Variants in SCAI observed in about 807,000 individuals in gnomAD.
The protein encoded by SCAI is suppressor of cancer cell invasion, also known as protein SCAI.
In SCAI, 24 loss-of-function variants were observed where a neutral mutation model predicts 92.2. That is an observed-to-expected ratio of 0.26 (90% CI 0.19 to 0.37). The LOEUF is 0.37. SCAI is among the 10% of genes least tolerant of loss of function. The pLI is 1.00. For synonymous variants in SCAI, 261 were observed against 258.6 expected, an observed-to-expected ratio of 1.01 and a Z score of -0.09; for missense variants, 450 against 736.2, an observed-to-expected ratio of 0.61 and a Z score of 4.50.
chr9:124,970,320 G>A (rs1831633278), intron 17 of SCAI, among the ~76,000 whole-genome samples: 1 of 151,952 alleles, frequency 6.6e-6, no homozygotes, highest in South Asian at 2.1e-4. Flanking sequence ...AGGAATAACT[G>A]GAAAAAAGGA....
intron 4 of SCAI, among the ~76,000 whole-genome samples, chr9:125,028,983 A>T (rs1229640683): frequency 6.6e-6 from 1 of 152,040 alleles, no homozygotes; most frequent in Non-Finnish European, 1.5e-5. Context: ...TTTTTAGTAG[A>T]GACAGGGTTT....
intron 2 of SCAI, among the ~76,000 whole-genome samples, chr9:125,136,405 T>TGATATTCA (rs1278438438): frequency 6.6e-6 from 1 of 151,872 alleles, no homozygotes; most frequent in African/African-American, 2.4e-5. Context: ...TTATATCATT[T>TGATATTCA]GATATTCAGA....
intron 3 of SCAI, among the ~76,000 whole-genome samples, chr9:125,044,498 G>C (rs765014630): frequency 2.9e-4 from 44 of 152,032 alleles, no homozygotes; most frequent in Non-Finnish European, 4.4e-4. Flanking sequence ...CACTTGCCTG[G>C]ACAACCTGCT....
chr9:124,971,219 C>T, intron 17 of SCAI, 151 bp downstream of exon 17: 5 of 456,084 alleles, frequency 1.1e-5, no homozygotes, highest in South Asian at 5.4e-5. Context: ...CTTAGCAGAC[C>T]AGTGTGACGG....
intron 3 of SCAI, among the ~76,000 whole-genome samples, chr9:125,031,161 G>A (rs368691293): frequency 6.7e-4 from 102 of 152,060 alleles, no homozygotes; most frequent in African/African-American, 2.2e-3. Flanking sequence ...GAAGACAGTC[G>A]TGTCTCAAAG....
intron 2 of SCAI, among the ~76,000 whole-genome samples, chr9:125,094,976 T>C (rs1401541825): frequency 6.6e-6 from 1 of 152,104 alleles, no homozygotes; most frequent in African/African-American, 2.4e-5. Flanking sequence ...AATAGATACA[T>C]AAAATGTATT....
rs538413474 is a variant in SCAI at position 125,029,890 on chromosome 9, C to G, written c.231-151G>C. On this transcript the variant is annotated intron_variant, in intron 3 of 17. Transcript: ENST00000336505. ...TACACTTTTTGGAGCAGAAATAATT[C>G]TATAACTAGGGTCCAGGACATGCTC... is the stretch of plus-strand genomic sequence containing the variant. 21 of 493,400 alleles carry G rather than the reference C, an allele frequency of 4.3e-5. No homozygotes were observed. The South Asian group carries it at 6.5e-4, about 15-fold the overall frequency. The allele number at this position is 493,400 out of a possible 1,614,324, so 30.6% of individuals were successfully genotyped here.
In SCAI at chr9:124,944,787, T is replaced by C. The variant is rs1057316635; in HGVS notation, c.*8020A>G. Reference sequence around the variant, plus strand: ...TACTTATTCATACTGATTTCATGTTTGAGAAAATTTATGGTTCAAATTGTA... The same window carrying C: ...TACTTATTCATACTGATTTCATGTTCGAGAAAATTTATGGTTCAAATTGTA... On this transcript the variant is annotated 3_prime_UTR_variant, in exon 18 of 18. Coordinates refer to ENST00000336505, the MANE Select transcript of SCAI (RefSeq NM_001144877.3). 1 of 152,202 alleles carries C rather than the reference T, an allele frequency of 6.6e-6. No individual in the cohort carries two copies. The highest frequency in any genetic ancestry group is 2.4e-5 in the African/African-American group (1 of 41,442). The allele number at this position is 152,202 out of a possible 1,614,324, so 9.4% of individuals were successfully genotyped here.
intron 2 of SCAI, among the ~76,000 whole-genome samples, chr9:125,072,283 A>G (rs915694715): frequency 6.6e-5 from 10 of 152,178 alleles, no homozygotes; most frequent in Non-Finnish European, 1.2e-4. Flanking sequence ...TGGCCTCCCA[A>G]TGTGCTGGGA....
rs1831162903 is a variant in SCAI, at chr9:124,947,425, A to T, written c.*5382T>A. 1 of 152,186 alleles carries T rather than the reference A, an allele frequency of 6.6e-6. No individual in the cohort carries two copies. Among genetic ancestry groups the T allele is most frequent in the African/African-American group, 2.4e-5 (1 of 41,452 alleles). The allele number at this position is 152,186 out of a possible 1,614,324, so 9.4% of individuals were successfully genotyped here. On this transcript the variant is annotated 3_prime_UTR_variant, in exon 18 of 18. Transcript: ENST00000336505. ...TCTAGCTTTCTGTTAAGATCTTCAT[A>T]TCCTAATTTCAACTCCAAATTAGCC...
Position 125,094,093 on chromosome 9 carries a change from C to T in SCAI, c.99-38086G>A, listed in dbSNP as rs1834497988. 2.6e-5 allele frequency among the ~76,000 whole-genome samples: 4 copies of T among 152,250 alleles called. No homozygotes were observed. In the South Asian group the frequency reaches 6.2e-4, roughly 24 times the overall value. On this transcript the variant is annotated intron_variant, in intron 2 of 17. Coordinates refer to ENST00000336505, the MANE Select transcript of SCAI (RefSeq NM_001144877.3). ...CCAGTTGTTCGGGTACAGTTCATTCCAAACACAGCAGACAAGATGATCTTT... is the reference window on the plus strand; with the variant it reads ...CCAGTTGTTCGGGTACAGTTCATTCTAAACACAGCAGACAAGATGATCTTT...
chr9:125,066,478 C>T (rs1221833505), intron 2 of SCAI, among the ~76,000 whole-genome samples: 7 of 144,124 alleles, frequency 4.9e-5, no homozygotes, highest in African/African-American at 1.7e-4. Flanking sequence ...TTTTTTGAGA[C>T]GGAGTCTCGC....
chr9:125,014,979 A>G (rs1236444055), intron 9 of SCAI, among the ~76,000 whole-genome samples: 1 of 152,198 alleles, frequency 6.6e-6, no homozygotes, highest in Non-Finnish European at 1.5e-5. Context: ...GGCTAGCCAT[A>G]TGTAGAAAGC....
chr9:125,088,186 C>T (rs899698077), intron 2 of SCAI, among the ~76,000 whole-genome samples: 1 of 152,072 alleles, frequency 6.6e-6, no homozygotes, highest in Non-Finnish European at 1.5e-5. Flanking sequence ...GCCTCAAACT[C>T]CTGGGCTCAA....
chr9:125,014,252 A>G (rs1832701525), intron 9 of SCAI, among the ~76,000 whole-genome samples: 1 of 152,188 alleles, frequency 6.6e-6, no homozygotes, highest in South Asian at 2.1e-4. Context: ...CCCTGTTTGC[A>G]GACGACATGA....
At chr9:124,991,968 A>G (rs1198588737) in intron 14 of SCAI, among the ~76,000 whole-genome samples, 1 of 152,166 alleles carries the variant, frequency 6.6e-6, no homozygotes, top group Admixed American at 6.6e-5. Flanking sequence ...TCAGGCTGGA[A>G]TGCAGTGGCA....
intron 2 of SCAI, among the ~76,000 whole-genome samples, chr9:125,118,324 A>G (rs991932088): frequency 1.3e-5 from 2 of 152,102 alleles, no homozygotes; most frequent in African/African-American, 4.8e-5. Context: ...GACAAACCTC[A>G]GAAACACAGC....
rs527267506 is a variant in SCAI at position 124,943,743 on chromosome 9, T to C, written c.*9064A>G. On this transcript the variant is annotated 3_prime_UTR_variant, in exon 18 of 18. Coordinates refer to ENST00000336505, the MANE Select transcript of SCAI (RefSeq NM_001144877.3). ...AGGGAAAAAGATCAAACATAACTTA[T>C]TTTAACTCCTATTTGATTATCTTAA... The C allele has an allele frequency of 3.3e-5, 5 of 152,320 alleles. No homozygotes were observed. Among genetic ancestry groups the C allele is most frequent in the African/African-American group, 1.2e-4 (5 of 41,590 alleles). The allele number at this position is 152,320 out of a possible 1,614,324, so 9.4% of individuals were successfully genotyped here.
chr9:124,955,281 A>G (rs1347820899), intron 17 of SCAI, among the ~76,000 whole-genome samples: 1 of 152,080 alleles, frequency 6.6e-6, no homozygotes, highest in African/African-American at 2.4e-5. Flanking sequence ...ATAATAAAGT[A>G]TGAATGGAAA....
Sources: gnomAD v4.1 joint callset for allele counts (sites outside exome capture counted in the v4.1 genomes callset) on GRCh38, gnomAD v4.1.1 for gene constraint, MANE v1.5 for transcripts, NCBI Gene and HGNC (gene_info 2026-07-23, HGNC 2026-07-21) for gene names.